Variants in OSBPL10 observed in about 807,000 individuals in gnomAD.
OSBPL10 encodes the protein oxysterol binding protein like 10, also known as oxysterol-binding protein-related protein 10.
In OSBPL10, 49 loss-of-function variants were observed where a neutral mutation model predicts 81.7. The observed-to-expected ratio is 0.60, with a 90% CI of 0.48 to 0.76. The LOEUF (loss-of-function observed/expected upper bound fraction) is 0.76, where lower values mean the gene tolerates loss of function less well. Among genes scored for constraint, OSBPL10 ranks in the 30% least tolerant of loss-of-function variants. The pLI, the probability that OSBPL10 is intolerant of heterozygous loss-of-function variation, is 0.00. For synonymous variants in OSBPL10, 419 were observed against 383.6 expected (o/e 1.09, Z -1.08); for missense variants, 923 against 987.8 (o/e 0.93, Z 0.88).
intron 1 of OSBPL10, among the ~76,000 whole-genome samples, chr3:31,927,140 G>A (rs1476418376): frequency 6.6e-6 from 1 of 151,840 alleles, no homozygotes; most frequent in East Asian, 1.9e-4. Flanking sequence ...AAAAGTCAAA[G>A]GTAAAGTAAA....
intron 6 of OSBPL10, among the ~76,000 whole-genome samples, chr3:31,720,337 G>T (rs1448812848): frequency 6.6e-6 from 1 of 152,170 alleles, no homozygotes; most frequent in Non-Finnish European, 1.5e-5. Context: ...TGAGGCTCTT[G>T]GGAGATACAG....
chr3:31,777,086 A>T (rs1241243917), intron 4 of OSBPL10, among the ~76,000 whole-genome samples: 3 of 152,260 alleles, frequency 2.0e-5, no homozygotes, highest in African/African-American at 7.2e-5. Flanking sequence ...TCATGCAATT[A>T]TCAATGGAGT....
chr3:31,823,112 T>C (rs1700020196), intron 4 of OSBPL10, among the ~76,000 whole-genome samples: 1 of 152,182 alleles, frequency 6.6e-6, no homozygotes, highest in Admixed American at 6.5e-5. Context: ...CATAGTCATC[T>C]AGATGTACAC....
At chr3:31,763,715 GAATT>G (rs1698125972) in intron 4 of OSBPL10, among the ~76,000 whole-genome samples, 1 of 151,954 alleles carries the variant, frequency 6.6e-6, no homozygotes, top group Admixed American at 6.6e-5. Flanking sequence ...TTTCCACCTA[GAATT>G]AATTTCACTA....
At chr3:31,775,622 A>C (rs1250081998) in intron 4 of OSBPL10, among the ~76,000 whole-genome samples, 1 of 152,140 alleles carries the variant, frequency 6.6e-6, no homozygotes, top group Admixed American at 6.5e-5. Flanking sequence ...ATGATAGGGC[A>C]CTGCTGGAGG....
At chr3:31,686,423 T>C (rs529947500) in intron 7 of OSBPL10, among the ~76,000 whole-genome samples, 2 of 152,298 alleles carry the variant, frequency 1.3e-5, no homozygotes, top group South Asian at 4.2e-4. Flanking sequence ...ATTTGAAAAG[T>C]ATGTCAGGAG....
At chr3:31,971,515 C>G (rs1698568161) in intron 1 of OSBPL10, among the ~76,000 whole-genome samples, 1 of 152,158 alleles carries the variant, frequency 6.6e-6, no homozygotes, top group South Asian at 2.1e-4. Flanking sequence ...CCCCAAAACT[C>G]TATGACACAG....
intron 8 of OSBPL10, among the ~76,000 whole-genome samples, chr3:31,678,232 C>T (rs779739114): frequency 1.3e-5 from 2 of 152,170 alleles, no homozygotes; most frequent in Non-Finnish European, 2.9e-5. Flanking sequence ...AGGGGTGCCC[C>T]GTTGACGGTG....
intron 4 of OSBPL10, among the ~76,000 whole-genome samples, chr3:31,783,146 T>TATATATATACAC (rs1485968747): frequency 6.5e-4 from 73 of 112,948 alleles, no homozygotes; most frequent in African/African-American, 2.5e-3. Context: ...TATATATATA[T>TATATATATACAC]ACACACACAC....
intron 1 of OSBPL10, among the ~76,000 whole-genome samples, chr3:31,881,361 C>T (rs1382315688): frequency 5.3e-5 from 8 of 152,220 alleles, no homozygotes; most frequent in Admixed American, 5.2e-4. Flanking sequence ...ATACAGTGAA[C>T]TGATAGAGGC....
chr3:31,911,047 T>C (rs1228157408), intron 1 of OSBPL10, among the ~76,000 whole-genome samples: 2 of 152,170 alleles, frequency 1.3e-5, no homozygotes, highest in Non-Finnish European at 2.9e-5. Flanking sequence ...CAGGGTTCCA[T>C]ATTAAATGCG....
chr3:31,971,120 C>T (rs1698550526), intron 1 of OSBPL10, among the ~76,000 whole-genome samples: 1 of 135,854 alleles, frequency 7.4e-6, no homozygotes, highest in African/African-American at 2.7e-5. Flanking sequence ...TTTTTTTTTT[C>T]TGTTTTTTTT....
At chr3:31,829,682 A>C (rs951888337) in intron 4 of OSBPL10, among the ~76,000 whole-genome samples, 1 of 152,132 alleles carries the variant, frequency 6.6e-6, no homozygotes, top group Non-Finnish European at 1.5e-5. Context: ...TATGTCTAGC[A>C]CTTCCTGAGT....
In OSBPL10 at chr3:31,877,367, C is replaced by A. The variant is rs181406406; in HGVS notation, c.458-855G>T. ...TACCAAATGCTGCCTTAGAGAGCCT[C>A]AAATTTCCCCCAAAGAGATATTAAA... is the stretch of plus-strand genomic sequence containing the variant. On this transcript the variant is annotated intron_variant, in intron 2 of 11. Transcript: ENST00000396556. Among the ~76,000 whole-genome samples, 150 of 152,242 alleles carry A rather than the reference C, an allele frequency of 9.9e-4. 1 individual carries two copies. Among genetic ancestry groups the A allele is most frequent in the African/African-American group, 3.1e-3 (129 of 41,550 alleles).
intron 1 of OSBPL10, among the ~76,000 whole-genome samples, chr3:31,900,618 T>C (rs113896581): frequency 0.023 from 3,494 of 152,338 alleles, 111 homozygotes; most frequent in African/African-American, 0.076. Flanking sequence ...GCAATTACTT[T>C]GTCTTTATTC....
intron 1 of OSBPL10, among the ~76,000 whole-genome samples, chr3:32,071,431 C>T (rs777319994): frequency 6.6e-6 from 1 of 152,282 alleles, no homozygotes; most frequent in Non-Finnish European, 1.5e-5. Context: ...TTACAGACTG[C>T]TCCCACACTA....
chr3:31,978,334 G>A (rs1383781083), intron 1 of OSBPL10, among the ~76,000 whole-genome samples: 2 of 152,194 alleles, frequency 1.3e-5, no homozygotes, highest in African/African-American at 4.8e-5. Flanking sequence ...GCATTTCCCT[G>A]GACCAGGGAA....
rs374547975 is a variant in OSBPL10 at position 31,879,016 on chromosome 3, T to C, written c.457+639A>G. Among the ~76,000 whole-genome samples, 12 of 152,294 alleles carry C rather than the reference T, an allele frequency of 7.9e-5. No homozygotes were observed. In the South Asian group the frequency reaches 2.5e-3, roughly 32 times the overall value. On this transcript the variant is annotated intron_variant, in intron 2 of 11. Transcript: ENST00000396556. The stretch of plus-strand genomic sequence containing the variant: ...AAGTCTGACATTTCTGTGCGATGGA[T>C]GTGTCTTGAGGGTGAATACTGGACT...
At chr3:31,733,493 G>A in intron 5 of OSBPL10, 82 bp from the exon 6 acceptor site, 1 of 1,549,632 alleles carries the variant, frequency 6.5e-7, no homozygotes, top group Non-Finnish European at 8.9e-7. Flanking sequence ...CTCACTGTAT[G>A]AAGAGACCTA....
Sources: allele counts gnomAD v4.1 joint callset (sites outside exome capture counted in the v4.1 genomes callset), GRCh38; gene constraint gnomAD v4.1.1; transcripts MANE v1.5; gene names NCBI Gene and HGNC (gene_info 2026-07-23, HGNC 2026-07-21).